DIP2B: variants seen among roughly 807,000 people sequenced by gnomAD.
DIP2B encodes the protein DIP2 acetate--CoA ligase B (putative).
Under a neutral mutation model 198.0 loss-of-function variants are expected in DIP2B, and 76 were observed. That is an observed-to-expected ratio of 0.38 (90% CI 0.32 to 0.46). DIP2B has a LOEUF of 0.46. Ranked by LOEUF, DIP2B falls within the 20% of genes least tolerant of loss-of-function variation. The pLI, the probability that DIP2B is intolerant of heterozygous loss-of-function variation, is 0.99. For synonymous variants in DIP2B, 701 were observed against 739.1 expected (o/e 0.95, Z 0.84); for missense variants, 1,559 against 1,978.4 (o/e 0.79, Z 4.02).
intron 21 of DIP2B, among the ~76,000 whole-genome samples, chr12:50,708,020 C>T (rs1222202623): frequency 6.6e-6 from 1 of 152,142 alleles, no homozygotes; most frequent in Non-Finnish European, 1.5e-5. Context: ...TCCAGATCTT[C>T]GCGTGGCTCG....
chr12:50,589,227 T>G (rs1958797730), intron 1 of DIP2B, among the ~76,000 whole-genome samples: 2 of 149,454 alleles, frequency 1.3e-5, no homozygotes, highest in Admixed American at 6.6e-5. Context: ...AAATAAAATT[T>G]GTTTGTCTTT....
intron 1 of DIP2B, among the ~76,000 whole-genome samples, chr12:50,549,202 C>T (rs899822183): frequency 8.0e-5 from 12 of 150,300 alleles, no homozygotes; most frequent in African/African-American, 2.7e-4. Context: ...GGCGCGGTGG[C>T]TCATGCCTGT....
At chr12:50,601,223 A>G (rs1342082039) in intron 1 of DIP2B, among the ~76,000 whole-genome samples, 1 of 152,128 alleles carries the variant, frequency 6.6e-6, no homozygotes, top group Non-Finnish European at 1.5e-5. Flanking sequence ...CATTGGCCAA[A>G]TGAGGGATTA....
chr12:50,675,732 C>T (rs981130308), intron 7 of DIP2B, among the ~76,000 whole-genome samples: 2 of 152,150 alleles, frequency 1.3e-5, no homozygotes, highest in African/African-American at 4.8e-5. Context: ...ATCCCAAATA[C>T]ATGATTTTAC....
chr12:50,667,310 G>T (rs901665323), intron 4 of DIP2B, among the ~76,000 whole-genome samples: 1 of 152,176 alleles, frequency 6.6e-6, no homozygotes, highest in Non-Finnish European at 1.5e-5. Context: ...ATTGTTTTCT[G>T]TTGCGTATTC....
At chr12:50,579,017 C>T (rs1958689723) in intron 1 of DIP2B, among the ~76,000 whole-genome samples, 1 of 152,108 alleles carries the variant, frequency 6.6e-6, no homozygotes, top group Non-Finnish European at 1.5e-5. Context: ...CATGCACTCA[C>T]GGTAAAAGAT....
At chr12:50,635,019 G>C (rs1938132879) in intron 2 of DIP2B, among the ~76,000 whole-genome samples, 2 of 152,236 alleles carry the variant, frequency 1.3e-5, no homozygotes, top group African/African-American at 4.8e-5. Context: ...AACCTCAAGA[G>C]GCTGTGCAGA....
chr12:50,537,111 C>CT (rs1490881059), intron 1 of DIP2B, among the ~76,000 whole-genome samples: 12 of 60,156 alleles, frequency 2.0e-4, no homozygotes, highest in Non-Finnish European at 2.4e-4. Context: ...TTATTATTCT[C>CT]TAATTTTTTT....
At chr12:50,739,736 G>A in intron 36 of DIP2B, 150 bp downstream of exon 36, 4 of 1,044,490 alleles carry the variant, frequency 3.8e-6, no homozygotes, top group Non-Finnish European at 4.1e-6. Flanking sequence ...TCTTCATTTG[G>A]AGTCATGCCT....
intron 28 of DIP2B, among the ~76,000 whole-genome samples, chr12:50,725,183 G>A (rs1939909782): frequency 6.6e-6 from 1 of 152,156 alleles, no homozygotes; most frequent in Non-Finnish European, 1.5e-5. Flanking sequence ...GTAGGGCCAA[G>A]TAAAATATTG....
At chr12:50,738,798 A>T (rs1940184004) in intron 35 of DIP2B, among the ~76,000 whole-genome samples, 1 of 152,208 alleles carries the variant, frequency 6.6e-6, no homozygotes, top group African/African-American at 2.4e-5. Flanking sequence ...AAATTTTTAA[A>T]TGTTAGTAGT....
Position 50,674,520 on chromosome 12 carries a change from C to T in DIP2B, c.687C>T (p.Ser229=). The part of the protein sequence containing the change: ...PPDVTTTTSS[S]SSSSSIRPAN... Reference sequence around the variant, plus strand: ...ATGTCACTACAACTACCTCTTCCTCCTCATCATCTTCCTCAATTCGCCCAG... The same window carrying T: ...ATGTCACTACAACTACCTCTTCCTCTTCATCATCTTCCTCAATTCGCCCAG... Residue 229 remains serine (S), a synonymous_variant, in exon 6 of 38, where the codon TCC becomes TCT. Transcript: ENST00000301180. 1.2e-6 allele frequency: 2 copies of T among 1,614,240 alleles called. No individual in the cohort carries two copies. The highest frequency in any genetic ancestry group is 2.2e-5 in the South Asian group (2 of 91,086).
At chr12:50,520,075 T>A (rs908318782) in intron 1 of DIP2B, among the ~76,000 whole-genome samples, 8 of 147,364 alleles carry the variant, frequency 5.4e-5, no homozygotes, top group African/African-American at 2.0e-4. Flanking sequence ...GTCTTACTTG[T>A]CACCCAGGCT....
In DIP2B at chr12:50,714,397, G is replaced by A. The variant is rs757898301; in HGVS notation, c.2652G>A (p.Ala884=). The A allele has an allele frequency of 1.8e-5, 29 of 1,614,052 alleles. No homozygotes were observed. Among genetic ancestry groups the A allele is most frequent in the South Asian group, 1.2e-4 (11 of 91,084 alleles). The change falls in exon 23 of 38, where the codon GCG becomes GCA. Residue 884 remains alanine (A), a splice_region_variant and synonymous_variant. Transcript: ENST00000301180. ...TATTTTTGTTTGTATTTTTCTAGGCGATCGATAGCATTCATCAAGTGGGGG... is the reference window on the plus strand; with the variant it reads ...TATTTTTGTTTGTATTTTTCTAGGCAATCGATAGCATTCATCAAGTGGGGG... ...SFQWMSRVLQ[A]IDSIHQVGVY... is the part of the protein sequence containing the mutation.
chr12:50,612,765 G>T (rs1959042740), intron 1 of DIP2B, among the ~76,000 whole-genome samples: 2 of 152,272 alleles, frequency 1.3e-5, no homozygotes, highest in South Asian at 4.1e-4. Flanking sequence ...TAGAAATTAG[G>T]CTGATAATAC....
chr12:50,594,349 C>T (rs2139434254), intron 1 of DIP2B, among the ~76,000 whole-genome samples: 1 of 152,250 alleles, frequency 6.6e-6, no homozygotes, highest in East Asian at 1.9e-4. Context: ...TGAATATGAA[C>T]CATGACATCT....
intron 11 of DIP2B, 147 bp downstream of exon 11, chr12:50,686,103 A>AC: frequency 3.5e-6 from 3 of 865,842 alleles, no homozygotes; most frequent in Non-Finnish European, 5.0e-6. Context: ...TATTATCCCC[A>AC]TTTTACAAGT....
chr12:50,668,228 A>T (rs998594074), intron 4 of DIP2B, among the ~76,000 whole-genome samples: 9 of 152,028 alleles, frequency 5.9e-5, no homozygotes, highest in Non-Finnish European at 1.2e-4. Context: ...CCTCTAACTC[A>T]TCTCAGTCCC....
intron 25 of DIP2B, among the ~76,000 whole-genome samples, chr12:50,720,874 TCGC>T (rs1939823315): frequency 6.6e-6 from 1 of 152,210 alleles, no homozygotes; most frequent in Non-Finnish European, 1.5e-5. Flanking sequence ...AGACAGAATC[TCGC>T]TCTGTCGCCC....
Sources: allele counts gnomAD v4.1 joint callset (sites outside exome capture counted in the v4.1 genomes callset), GRCh38; gene constraint gnomAD v4.1.1; transcripts MANE v1.5; gene names NCBI Gene and HGNC (gene_info 2026-07-23, HGNC 2026-07-21).